Variants in RGS7 observed in about 807,000 individuals in gnomAD.
RGS7 encodes regulator of G protein signaling 7, also known as regulator of G-protein signaling 7.
RGS7 carries 27 observed loss-of-function variants against 81.1 expected under a neutral mutation model. That is an observed-to-expected ratio of 0.33 (90% confidence interval 0.25 to 0.46). RGS7 has a LOEUF of 0.46. Among genes scored for constraint, RGS7 ranks in the 20% least tolerant of loss-of-function variants. The pLI is 1.00. For synonymous variants in RGS7, 208 were observed against 207.7 expected (o/e 1.00, Z -0.01); for missense variants, 396 against 607.4 (o/e 0.65, Z 3.66).
chr1:241,079,111 C>T (rs979258031), intron 3 of RGS7, among the ~76,000 whole-genome samples: 1 of 152,160 alleles, frequency 6.6e-6, no homozygotes, highest in African/African-American at 2.4e-5. Flanking sequence ...TAACAGACAG[C>T]AAAACCGAGT....
rs138462826 is a variant in RGS7, at chr1:240,965,397, G to A, written c.226+17682C>T. Among the ~76,000 whole-genome samples the A allele has an allele frequency of 7.7e-3, 1,167 of 152,242 alleles. 35 individuals carry two copies. Among genetic ancestry groups the A allele is most frequent in the Middle Eastern group, 0.048 (14 of 294 alleles). On this transcript the variant is annotated intron_variant, in intron 4 of 18. Coordinates refer to ENST00000440928, the MANE Select transcript of RGS7 (RefSeq NM_001364886.1). Reference sequence around the variant, plus strand: ...TCTCTGACTTTGCATGCTTGAAATCGATTATTTGGTAAAATGCCTCACCTT... The same window carrying A: ...TCTCTGACTTTGCATGCTTGAAATCAATTATTTGGTAAAATGCCTCACCTT...
intron 4 of RGS7, among the ~76,000 whole-genome samples, chr1:240,965,113 G>GA (rs1323978788): frequency 6.6e-6 from 1 of 152,152 alleles, no homozygotes; most frequent in East Asian, 1.9e-4. Flanking sequence ...CTTCTCTCAA[G>GA]AAAATGTTTA....
intron 3 of RGS7, among the ~76,000 whole-genome samples, chr1:241,098,037 C>A (rs1490075567): frequency 6.6e-6 from 1 of 152,236 alleles, no homozygotes; most frequent in Middle Eastern, 3.2e-3. Context: ...ACCCTTGTCA[C>A]AGTGCTATTG....
chr1:241,265,320 A>G (rs1298773878), intron 2 of RGS7, among the ~76,000 whole-genome samples: 2 of 152,244 alleles, frequency 1.3e-5, no homozygotes, highest in Non-Finnish European at 2.9e-5. Flanking sequence ...AGAGAAGGCA[A>G]TCAAAACAAA....
At chr1:240,932,664 A>G (rs894375384) in intron 5 of RGS7, among the ~76,000 whole-genome samples, 1 of 148,730 alleles carries the variant, frequency 6.7e-6, no homozygotes, top group Admixed American at 6.8e-5. Flanking sequence ...GCCCGCCACC[A>G]CGCCCAGCTG....
chr1:241,167,316 C>T (rs771245243), intron 2 of RGS7, among the ~76,000 whole-genome samples: 17 of 152,178 alleles, frequency 1.1e-4, no homozygotes, highest in Middle Eastern at 3.4e-3. Flanking sequence ...CTCCAGTATT[C>T]GTTCTTCTCA....
chr1:241,244,956 G>A (rs2076447511), intron 2 of RGS7, among the ~76,000 whole-genome samples: 1 of 139,862 alleles, frequency 7.1e-6, no homozygotes, highest in Non-Finnish European at 1.5e-5. Context: ...AGGGCCTGTT[G>A]TAGGTTGGGG....
chr1:240,774,855 C>T (rs1682757809), downstream of RGS7, among the ~76,000 whole-genome samples: 1 of 151,136 alleles, frequency 6.6e-6, no homozygotes, highest in Non-Finnish European at 1.5e-5. Flanking sequence ...AATAATGCAA[C>T]AATTAAAGTT....
At chr1:241,027,525 G>T (rs1023689049) in intron 3 of RGS7, among the ~76,000 whole-genome samples, 2 of 152,100 alleles carry the variant, frequency 1.3e-5, no homozygotes, top group African/African-American at 4.8e-5. Context: ...GCTGCCCAGG[G>T]TGCGTGGTAT....
At chr1:240,832,713 T>C (rs1277149243) in intron 9 of RGS7, among the ~76,000 whole-genome samples, 1 of 152,194 alleles carries the variant, frequency 6.6e-6, no homozygotes, top group African/African-American at 2.4e-5. Context: ...TGTGTTTAAG[T>C]TCCATCACTG....
chr1:240,972,721 AAC>A (rs993747777), intron 4 of RGS7, among the ~76,000 whole-genome samples: 2 of 114,662 alleles, frequency 1.7e-5, no homozygotes, highest in South Asian at 3.2e-4. Context: ...CAAAAAAAAA[AAC>A]CCAAAAAGGT....
chr1:240,977,015 C>G (rs1684208267), intron 4 of RGS7, among the ~76,000 whole-genome samples: 1 of 148,352 alleles, frequency 6.7e-6, no homozygotes, highest in Admixed American at 6.7e-5. Flanking sequence ...TCATTTATCT[C>G]TATCATTTAT....
chr1:241,255,598 G>C (rs761367789), intron 2 of RGS7, among the ~76,000 whole-genome samples: 11 of 152,140 alleles, frequency 7.2e-5, no homozygotes, highest in Non-Finnish European at 1.6e-4. Context: ...TCAGCATTTA[G>C]GGAGCCCACC....
intron 2 of RGS7, among the ~76,000 whole-genome samples, chr1:241,249,597 T>C (rs2076730394): frequency 6.6e-6 from 1 of 152,202 alleles, no homozygotes; most frequent in Non-Finnish European, 1.5e-5. Flanking sequence ...TGTCAGGTTC[T>C]ACGAAAAAGC....
At chr1:241,316,675 G>C (rs1170914355) in intron 2 of RGS7, among the ~76,000 whole-genome samples, 1 of 152,102 alleles carries the variant, frequency 6.6e-6, no homozygotes, top group Non-Finnish European at 1.5e-5. Context: ...ATTGTTTTGA[G>C]AATTTTTGCA....
intron 14 of RGS7, among the ~76,000 whole-genome samples, chr1:240,811,542 G>C (rs186736520): frequency 6.6e-6 from 1 of 152,306 alleles, no homozygotes. Flanking sequence ...GAAGTGATAC[G>C]CAAAGATAGT....
chr1:240,815,329 A>G (rs528818904), intron 11 of RGS7, among the ~76,000 whole-genome samples: 9 of 152,110 alleles, frequency 5.9e-5, no homozygotes, highest in African/African-American at 2.2e-4. Context: ...GTGACAGAAC[A>G]AGATTCTGTC....
intron 9 of RGS7, among the ~76,000 whole-genome samples, chr1:240,840,422 C>T (rs751103979): frequency 1.3e-5 from 2 of 152,058 alleles, no homozygotes; most frequent in Non-Finnish European, 2.9e-5. Flanking sequence ...TACAGGCATG[C>T]GCCACCATGC....
At chr1:241,239,785 A>C (rs1482494951) in intron 2 of RGS7, among the ~76,000 whole-genome samples, 1 of 152,218 alleles carries the variant, frequency 6.6e-6, no homozygotes, top group Non-Finnish European at 1.5e-5. Flanking sequence ...ATTCTGGAGA[A>C]TGGACCAGCA....
Sources: gnomAD v4.1 joint callset for allele counts (sites outside exome capture counted in the v4.1 genomes callset) on GRCh38, gnomAD v4.1.1 for gene constraint, MANE v1.5 for transcripts, NCBI Gene and HGNC (gene_info 2026-07-23, HGNC 2026-07-21) for gene names.